The following ATP13A3 variants were observed in gnomAD, a reference collection of about 807,000 sequenced individuals.
ATP13A3 encodes polyamine-transporting ATPase 13A3.
In ATP13A3, 59 loss-of-function variants were observed where a neutral mutation model predicts 158.1. The ratio of observed to expected loss-of-function variants is 0.37; its 90% confidence interval spans 0.30 to 0.46. The LOEUF is 0.46. ATP13A3 is among the 20% of genes least tolerant of loss of function. The probability of loss-of-function intolerance (pLI) is 1.00; values close to 1 mark genes in which losing one functional copy is unlikely to be tolerated. For missense variants in ATP13A3, 1,166 were observed against 1,525.2 expected (o/e 0.76, Z 3.92); for synonymous variants, 491 against 504.3 (o/e 0.97, Z 0.35).
At chr3:194,460,068 C>T in intron 4 of ATP13A3, 97 bp from the exon 5 acceptor site, 1 of 1,010,438 alleles carries the variant, frequency 9.9e-7, no homozygotes, top group Non-Finnish European at 1.4e-6. Flanking sequence ...ATTATTTCCT[C>T]ATCTCTAATT....
chr3:194,439,891 A>G (rs1560090588), intron 16 of ATP13A3, among the ~76,000 whole-genome samples: 1 of 152,224 alleles, frequency 6.6e-6, no homozygotes, highest in Non-Finnish European at 1.5e-5. Context: ...GTTGGAGAAA[A>G]GCTTAGAGAA....
At chr3:194,460,620 C>T (rs1357807843) in intron 4 of ATP13A3, 38 bp downstream of exon 4, 1 of 1,595,836 alleles carries the variant, frequency 6.3e-7, no homozygotes, top group Admixed American at 1.7e-5. Flanking sequence ...TTGTTTTACT[C>T]CTTAAATAAT....
Position 194,460,721 on chromosome 3 carries a change from C to G in ATP13A3, c.162G>C (p.Arg54=). The change falls in exon 4 of 34, where the codon CGG becomes CGC. Residue 54 remains arginine, a synonymous_variant. Coordinates refer to ENST00000645319, the MANE Select transcript of ATP13A3 (RefSeq NM_001367549.1). ...LLLLYWMPEW[R]VKATCVRAAI... is the part of the protein sequence containing the mutation. ...CAGCTCTGACACAGGTCGCTTTCAC[C>G]CGCCACTCAGGCATCCAATAGAGGA... is the stretch of plus-strand genomic sequence containing the variant. The G allele has an allele frequency of 6.2e-7, 1 of 1,614,164 alleles. No homozygotes were observed. Among genetic ancestry groups the G allele is most frequent in the Non-Finnish European group, 8.5e-7 (1 of 1,180,020 alleles).
intron 7 of ATP13A3, 90 bp downstream of exon 7, chr3:194,457,004 T>C (rs1719276592): frequency 1.2e-6 from 1 of 802,890 alleles, no homozygotes; most frequent in Non-Finnish European, 2.0e-6. Flanking sequence ...TATCTGTTAA[T>C]ATGTACAACT....
chr3:194,447,027 A>G lies in ATP13A3; in HGVS notation c.1397T>C (p.Ile466Thr). Reference sequence around the variant, plus strand: ...TTTCAGTCTTCTCTGAGCATACACAATACCAGCAGTCATTGCAGCAGGAAG... The same window carrying G: ...TTTCAGTCTTCTCTGAGCATACACAGTACCAGCAGTCATTGCAGCAGGAAG... The part of the protein sequence containing the change: ...PALPAAMTAG[I>T]VYAQRRLKKI... Residue 466 changes from isoleucine to threonine, a missense_variant, in exon 14 of 34, where the codon ATT becomes ACT. By Grantham distance (89) the Ile-to-Thr change is moderately conservative. Coordinates refer to ENST00000645319, the MANE Select transcript of ATP13A3 (RefSeq NM_001367549.1). 4.3e-6 allele frequency: 7 copies of G among 1,613,606 alleles called. No homozygotes were observed. Among genetic ancestry groups the G allele is most frequent in the Non-Finnish European group, 5.9e-6 (7 of 1,179,684 alleles).
Position 194,431,159 on chromosome 3 carries a change from A to G in ATP13A3, c.2489T>C (p.Met830Thr). The G allele has an allele frequency of 6.2e-7, 1 of 1,613,996 alleles. No individual in the cohort carries two copies. Among genetic ancestry groups the G allele is most frequent in the Non-Finnish European group, 8.5e-7 (1 of 1,179,836 alleles). The change falls in exon 23 of 34, where the codon ATG (methionine) becomes ACG (threonine). Residue 830 changes from methionine (M) to threonine (T), a missense_variant. Met to Thr is a moderately conservative substitution (Grantham distance 81). This residue lies in a region of ATP13A3 where 997 missense variants were observed against 1,341.2 expected (regional missense o/e 0.74). Transcript: ENST00000645319. ...TATCACTGAGAATGATTTTCCATTC[A>G]TTGCAAAATGATAACGAGTCATTTG... ...DLQMTRYHFAMNGKSFSVILE... is the reference protein window; with the variant it reads ...DLQMTRYHFATNGKSFSVILE...
At chr3:194,444,907 GTTC>G in intron 14 of ATP13A3, 121 bp from the exon 15 acceptor site, 6 of 657,784 alleles carry the variant, frequency 9.1e-6, no homozygotes, top group Non-Finnish European at 1.5e-5. Flanking sequence ...ACATAATGGA[GTTC>G]TACAGAGTTA....
At chr3:194,437,485 C>T (rs770871638) in intron 18 of ATP13A3, 21 bp from the exon 19 acceptor site, 2 of 1,613,772 alleles carry the variant, frequency 1.2e-6, no homozygotes, top group East Asian at 2.2e-5. Flanking sequence ...TCAAAAGAGG[C>T]ACAAAGCACT....
chr3:194,444,735 C>T lies in ATP13A3; in HGVS notation c.1549G>A (p.Glu517Lys), dbSNP rs1488109921. 1 of 1,593,792 alleles carries T rather than the reference C, an allele frequency of 6.3e-7. No homozygotes were observed. The highest frequency in any genetic ancestry group is 1.4e-5 in the African/African-American group (1 of 73,540). The stretch of plus-strand genomic sequence containing the variant: ...CTAACTAATATTTACCGTGCATTTT[C>T]CACTCGTTGAATCCCCCAAAGATCT... The part of the protein sequence containing the change: ...GLDLWGIQRV[E>K]NARFLSPEEN... The change falls in exon 15 of 34, where the codon GAA becomes AAA. Residue 517 changes from glutamate to lysine, a missense_variant. Glu to Lys is a moderately conservative substitution (Grantham distance 56). Around this residue, in one of 3 missense-constraint regions of ATP13A3, gnomAD observed 997 missense variants for 1,341.2 expected, o/e 0.74. Transcript: ENST00000645319.
chr3:194,479,929 G>A (rs1268022814), intron 2 of ATP13A3, among the ~76,000 whole-genome samples: 3 of 152,004 alleles, frequency 2.0e-5, no homozygotes, highest in African/African-American at 7.2e-5. Flanking sequence ...GATACATGAG[G>A]TTAACATCTT....
chr3:194,417,561 T>C (rs1026160844), intron 31 of ATP13A3, among the ~76,000 whole-genome samples: 1 of 152,080 alleles, frequency 6.6e-6, no homozygotes, highest in Admixed American at 6.6e-5. Context: ...AAAGTCATGG[T>C]AGCATGGACA....
chr3:194,426,907 C>T (rs1361387430), intron 29 of ATP13A3, among the ~76,000 whole-genome samples, 168 bp downstream of exon 29: 3 of 152,138 alleles, frequency 2.0e-5, no homozygotes, highest in Non-Finnish European at 4.4e-5. Context: ...AGTCATCAAA[C>T]TCCTGGTCTC....
In ATP13A3 at chr3:194,459,552, CAAAT is replaced by C. The variant is rs780613933; in HGVS notation, c.409-15_409-12del. The C allele has an allele frequency of 3.1e-6, 5 of 1,590,738 alleles. No homozygotes were observed. Among genetic ancestry groups the C allele is most frequent in the African/African-American group, 2.7e-5 (2 of 74,138 alleles). ...GGTGAAATAACGAATCTGTGGAACA[CAAAT>C]AAACGTTACACCAAAAAGCATATAA... On this transcript the variant is annotated splice_polypyrimidine_tract_variant and intron_variant, in intron 5 of 33. Coordinates refer to ENST00000645319, the MANE Select transcript of ATP13A3 (RefSeq NM_001367549.1).
At chr3:194,412,323 T>C in intron 32 of ATP13A3, 35 bp from the exon 33 acceptor site, 1 of 1,469,992 alleles carries the variant, frequency 6.8e-7, no homozygotes, top group East Asian at 2.5e-5. Context: ...GAATTAATAA[T>C]GACTAAGTCA....
Position 194,404,832 on chromosome 3 carries a change from G to A in ATP13A3, c.*1087C>T, listed in dbSNP as rs1714828746. The A allele has an allele frequency of 6.6e-6, 1 of 151,714 alleles. No individual in the cohort carries two copies. The highest frequency in any genetic ancestry group is 1.5e-5 in the Non-Finnish European group (1 of 67,978). The allele number at this position is 151,714 out of a possible 1,614,324, so 9.4% of individuals were successfully genotyped here. The stretch of plus-strand genomic sequence containing the variant: ...AAATAGACATGTTCTGACCTCTGGC[G>A]CCACCTAATGGCATAAAACAAACTC... On this transcript the variant is annotated 3_prime_UTR_variant, in exon 34 of 34. Coordinates refer to ENST00000645319, the MANE Select transcript of ATP13A3 (RefSeq NM_001367549.1).
intron 17 of ATP13A3, among the ~76,000 whole-genome samples, chr3:194,438,231 A>G (rs1407140888): frequency 6.6e-6 from 1 of 152,232 alleles, no homozygotes; most frequent in African/African-American, 2.4e-5. Context: ...GAATCTTGCC[A>G]ACCAGTTATA....
Position 194,428,780 on chromosome 3 carries a change from A to G in ATP13A3, c.2947+65T>C, listed in dbSNP as rs879035563. 1.8e-5 allele frequency: 22 copies of G among 1,234,232 alleles called. No individual in the cohort carries two copies. In the South Asian group the frequency reaches 2.7e-4, roughly 15 times the overall value. The allele number at this position is 1,234,232 out of a possible 1,614,324, so 76.5% of individuals were successfully genotyped here. Reference sequence around the variant, plus strand: ...TACAATTGTTGATGTAAATTTACAAAAATTTAATAAGTCACATCAGAATTT... The same window carrying G: ...TACAATTGTTGATGTAAATTTACAAGAATTTAATAAGTCACATCAGAATTT... On this transcript the variant is annotated intron_variant, in intron 28 of 33. Coordinates refer to ENST00000645319, the MANE Select transcript of ATP13A3 (RefSeq NM_001367549.1).
Position 194,431,900 on chromosome 3 carries a change from T to TA in ATP13A3, c.2246-9_2246-8insT. 2 of 1,556,868 alleles carry TA rather than the reference T, an allele frequency of 1.3e-6. No individual in the cohort carries two copies. The highest frequency in any genetic ancestry group is 1.7e-6 in the Non-Finnish European group (2 of 1,155,814). ...CAGTCAACATACTGTCACCTAATTT[T>TA]CAAAATATTTTAAATGTATTGAAAT... is the stretch of plus-strand genomic sequence containing the variant. On this transcript the variant is annotated splice_polypyrimidine_tract_variant and intron_variant, in intron 21 of 33. Coordinates refer to ENST00000645319, the MANE Select transcript of ATP13A3 (RefSeq NM_001367549.1).
intron 2 of ATP13A3, among the ~76,000 whole-genome samples, chr3:194,474,120 G>A (rs1318944474): frequency 1.3e-5 from 2 of 152,076 alleles, no homozygotes; most frequent in Non-Finnish European, 2.9e-5. Context: ...GGGTGACAGT[G>A]GGTATTTAAA....
Sources: allele counts gnomAD v4.1 joint callset (sites outside exome capture counted in the v4.1 genomes callset), GRCh38; gene constraint gnomAD v4.1.1; regional missense constraint gnomAD v4.1.1; transcripts MANE v1.5; gene names NCBI Gene and HGNC (gene_info 2026-07-23, HGNC 2026-07-21).